AFF2: variants seen among roughly 807,000 people sequenced by gnomAD.
AFF2 encodes ALF transcription elongation factor 2.
AFF2 carries 14 observed loss-of-function variants against 76.9 expected under a neutral mutation model. The ratio of observed to expected loss-of-function variants is 0.18; its 90% CI spans 0.12 to 0.28. AFF2 has a LOEUF of 0.28. AFF2 is among the 10% of genes least tolerant of loss of function. AFF2 has a pLI of 1.00. For missense variants in AFF2, 868 were observed against 1,001.1 expected (o/e 0.87, Z 1.79); for synonymous variants, 398 against 366.7 (o/e 1.09, Z -0.98).
chrX:148,644,617 CT>C (rs1320239553), intron 1 of AFF2, among the ~76,000 whole-genome samples: 4 of 112,157 alleles, frequency 3.6e-5, no homozygotes, highest in Non-Finnish European at 5.6e-5. Context: ...CTTCAAGGCA[CT>C]TTTCCCAACA....
chrX:148,988,556 T>G (rs1235861499), intron 20 of AFF2, among the ~76,000 whole-genome samples: 1 of 112,104 alleles, frequency 8.9e-6, no homozygotes, highest in Non-Finnish European at 1.9e-5. Flanking sequence ...CCCAGATGGA[T>G]GATAGAGATG....
chrX:148,820,783 T>C lies in AFF2; in HGVS notation c.1086+10863T>C, dbSNP rs781998772. On this transcript the variant is annotated intron_variant, in intron 4 of 20. Coordinates refer to ENST00000370460, the MANE Select transcript of AFF2 (RefSeq NM_002025.4). ...TTTACTCATGTAACAAACATGCATG[T>C]TTACCCCCTGAACTTAAATAAAAAT... Among the ~76,000 whole-genome samples, 8 of 111,738 alleles carry C rather than the reference T, an allele frequency of 7.2e-5. No individual in the cohort carries two copies. In the South Asian group the frequency reaches 3.0e-3, roughly 42 times the overall value.
intron 9 of AFF2, among the ~76,000 whole-genome samples, chrX:148,922,912 T>C (rs1298089990): frequency 1.8e-5 from 2 of 112,202 alleles, no homozygotes; most frequent in African/African-American, 6.5e-5. Context: ...TAACATTCAT[T>C]ATTCATTGCA....
At chrX:148,515,926 A>G (rs553212814) in intron 1 of AFF2, among the ~76,000 whole-genome samples, 2 of 111,948 alleles carry the variant, frequency 1.8e-5, no homozygotes, top group African/African-American at 6.5e-5. Flanking sequence ...AAACAAAAAC[A>G]AAAACATAAT....
chrX:148,592,786 G>A (rs2053535995), intron 1 of AFF2, among the ~76,000 whole-genome samples: 1 of 111,787 alleles, frequency 8.9e-6, no homozygotes, highest in Non-Finnish European at 1.9e-5. Context: ...TTTGGATGGA[G>A]CTCAGCTAAG....
intron 1 of AFF2, among the ~76,000 whole-genome samples, chrX:148,534,599 A>G (rs1207728574): frequency 3.6e-5 from 4 of 112,138 alleles, no homozygotes; most frequent in African/African-American, 1.3e-4. Flanking sequence ...AAATAACACT[A>G]TCCACCTCAT....
At chrX:148,762,409 G>GTATATATATA (rs372864201) in intron 3 of AFF2, among the ~76,000 whole-genome samples, 8 of 86,653 alleles carry the variant, frequency 9.2e-5, no homozygotes, top group Non-Finnish European at 8.0e-5. Context: ...GTATTCTATG[G>GTATATATATA]TATATATATA....
intron 2 of AFF2, among the ~76,000 whole-genome samples, chrX:148,653,980 G>C (rs1196038836): frequency 9.0e-6 from 1 of 111,680 alleles, no homozygotes. Context: ...GAGTGGTCAA[G>C]GGAGAAGTTT....
intron 1 of AFF2, among the ~76,000 whole-genome samples, chrX:148,598,319 C>T (rs981922685): frequency 2.7e-5 from 3 of 111,815 alleles, no homozygotes; most frequent in African/African-American, 6.5e-5. Flanking sequence ...AATGGGAACA[C>T]GAGGCCATTT....
intron 5 of AFF2, among the ~76,000 whole-genome samples, chrX:148,839,894 GGTGT>G (rs200060298): frequency 6.8e-3 from 594 of 86,954 alleles, no homozygotes; most frequent in African/African-American, 7.7e-3. Flanking sequence ...GTTGGGGCAT[GGTGT>G]GTGTGTGTGT....
chrX:148,653,225 A>G (rs1415830582), intron 2 of AFF2, among the ~76,000 whole-genome samples: 1 of 111,960 alleles, frequency 8.9e-6, no homozygotes, highest in Non-Finnish European at 1.9e-5. Flanking sequence ...CAGTAATAGT[A>G]TGATCCCTAA....
At chrX:148,602,552 A>G (rs1557248221) in intron 1 of AFF2, among the ~76,000 whole-genome samples, 1 of 110,935 alleles carries the variant, frequency 9.0e-6, no homozygotes, top group African/African-American at 3.3e-5. Context: ...CCAGGGTCAT[A>G]GAAATATAGA....
intron 8 of AFF2, among the ~76,000 whole-genome samples, chrX:148,895,319 A>G (rs2071270737): frequency 9.0e-6 from 1 of 111,688 alleles, no homozygotes; most frequent in Non-Finnish European, 1.9e-5. Context: ...CCAAGTTACA[A>G]TTGGCAACAT....
intron 1 of AFF2, among the ~76,000 whole-genome samples, chrX:148,645,639 C>T (rs2054136792): frequency 8.9e-6 from 1 of 112,467 alleles, no homozygotes; most frequent in Non-Finnish European, 1.9e-5. Context: ...ACAACGTCTT[C>T]TTGAGTGTTT....
chrX:148,927,293 T>C (rs2071662005), intron 9 of AFF2, among the ~76,000 whole-genome samples: 1 of 112,160 alleles, frequency 8.9e-6, no homozygotes, highest in South Asian at 3.7e-4. Context: ...AGAAACCTTA[T>C]AGCAGTCAGA....
At chrX:148,549,615 G>T (rs1315180895) in intron 1 of AFF2, among the ~76,000 whole-genome samples, 1 of 111,766 alleles carries the variant, frequency 8.9e-6, no homozygotes, top group African/African-American at 3.3e-5. Context: ...CCTAGGCCTA[G>T]ATATGCCAAT....
At chrX:148,570,766 T>C (rs1369213522) in intron 1 of AFF2, among the ~76,000 whole-genome samples, 1 of 111,417 alleles carries the variant, frequency 9.0e-6, no homozygotes, top group Non-Finnish European at 1.9e-5. Context: ...GAAAGACGTG[T>C]TCCATGCCTC....
intron 3 of AFF2, among the ~76,000 whole-genome samples, chrX:148,762,162 C>T (rs138915647): frequency 2.6e-3 from 287 of 110,006 alleles, no homozygotes; most frequent in Non-Finnish European, 2.4e-3. Flanking sequence ...GCAGTGTACA[C>T]TGTACCCAAT....
At chrX:148,947,874 G>A (rs782648419) in intron 9 of AFF2, among the ~76,000 whole-genome samples, 14 of 112,650 alleles carry the variant, frequency 1.2e-4, no homozygotes, top group Admixed American at 1.0e-3. Flanking sequence ...CTGGAACACA[G>A]TCAAGCTGAT....
Sources: allele counts gnomAD v4.1 joint callset (sites outside exome capture counted in the v4.1 genomes callset), GRCh38; gene constraint gnomAD v4.1.1; transcripts MANE v1.5; gene names NCBI Gene and HGNC (gene_info 2026-07-23, HGNC 2026-07-21).